LUZP2: variants seen among roughly 807,000 people sequenced by gnomAD.
The protein encoded by LUZP2 is leucine zipper protein 2.
LUZP2 carries 52 observed loss-of-function variants against 51.6 expected under a neutral mutation model. The observed-to-expected ratio is 1.01, with a 90% confidence interval of 0.81 to 1.27. The LOEUF (loss-of-function observed/expected upper bound fraction) is 1.27. Ranked by LOEUF, LUZP2 falls within the 50% of genes most tolerant of loss-of-function variation. The pLI is 0.00. For synonymous variants in LUZP2, 154 were observed against 137.3 expected, an observed-to-expected ratio of 1.12 and a Z score of -0.85; for missense variants, 436 against 395.4, an observed-to-expected ratio of 1.10 and a Z score of -0.87.
At chr11:24,617,687 G>T (rs1270852582) in intron 1 of LUZP2, among the ~76,000 whole-genome samples, 1 of 151,982 alleles carries the variant, frequency 6.6e-6, no homozygotes, top group Non-Finnish European at 1.5e-5. Flanking sequence ...TGGGCATAGT[G>T]GAGGGCACCT....
chr11:24,559,878 A>C (rs1851979574), intron 1 of LUZP2, among the ~76,000 whole-genome samples: 1 of 152,162 alleles, frequency 6.6e-6, no homozygotes. Context: ...AATGAAACAC[A>C]GTAGTTGTCT....
At chr11:24,953,502 A>G (rs1855134360) in intron 7 of LUZP2, among the ~76,000 whole-genome samples, 1 of 152,036 alleles carries the variant, frequency 6.6e-6, no homozygotes, top group Admixed American at 6.6e-5. Flanking sequence ...AAATGCAGCC[A>G]TTGTCTGCCA....
intron 5 of LUZP2, among the ~76,000 whole-genome samples, chr11:24,826,797 A>G (rs5011480): frequency 0.74 from 112,879 of 151,728 alleles, 42,874 homozygotes; most frequent in Middle Eastern, 0.86. Flanking sequence ...TTTTCTGAAA[A>G]GTTTACCTTG....
In LUZP2 at chr11:24,540,202, T is replaced by C. The variant is rs556708759; in HGVS notation, c.62+42897T>C. On this transcript the variant is annotated intron_variant, in intron 1 of 11. Transcript: ENST00000336930. ...CAAAACTAATTAAACCATGTCTCTC[T>C]TTACAATTACGACTCTTCAAATACG... 1.8e-4 allele frequency among the ~76,000 whole-genome samples: 28 copies of C among 152,256 alleles called. No individual in the cohort carries two copies. The South Asian group carries it at 5.8e-3, about 32-fold the overall frequency.
At chr11:24,785,182 C>T (rs1430642725) in intron 5 of LUZP2, among the ~76,000 whole-genome samples, 1 of 152,032 alleles carries the variant, frequency 6.6e-6, no homozygotes, top group Non-Finnish European at 1.5e-5. Context: ...CTGTTCCCAT[C>T]ACATTTAGTA....
chr11:24,988,336 G>A (rs924380888), intron 9 of LUZP2, among the ~76,000 whole-genome samples: 2 of 151,978 alleles, frequency 1.3e-5, no homozygotes, highest in Non-Finnish European at 2.9e-5. Flanking sequence ...AACATGAATA[G>A]CATTAGAAGG....
intron 9 of LUZP2, among the ~76,000 whole-genome samples, chr11:25,032,523 C>T (rs1590858434): frequency 1.3e-5 from 2 of 152,132 alleles, no homozygotes; most frequent in Admixed American, 6.6e-5. Flanking sequence ...GATACTCCCT[C>T]ACCCAGAAAT....
At chr11:24,597,001 G>T (rs1853464936) in intron 1 of LUZP2, among the ~76,000 whole-genome samples, 1 of 152,176 alleles carries the variant, frequency 6.6e-6, no homozygotes, top group Non-Finnish European at 1.5e-5. Context: ...AAGGAGAAAT[G>T]AGACTATGGT....
intron 10 of LUZP2, among the ~76,000 whole-genome samples, chr11:25,063,865 A>G (rs7936465): frequency 0.9 from 136,593 of 151,684 alleles, 62,537 homozygotes; most frequent in Non-Finnish European, 0.97. Flanking sequence ...ATACAATTCC[A>G]TTTCCCTATT....
intron 9 of LUZP2, among the ~76,000 whole-genome samples, chr11:24,997,492 T>G (rs1377371038): frequency 6.6e-6 from 1 of 152,236 alleles, no homozygotes; most frequent in East Asian, 1.9e-4. Flanking sequence ...TAAATTTGTT[T>G]GAGTTCATTG....
chr11:24,804,114 C>T (rs1256569975), intron 5 of LUZP2, among the ~76,000 whole-genome samples: 1 of 151,812 alleles, frequency 6.6e-6, no homozygotes, highest in Non-Finnish European at 1.5e-5. Flanking sequence ...TAAGTGTCTA[C>T]AATTTATTTC....
At chr11:24,837,223 A>G (rs1048949538) in intron 5 of LUZP2, among the ~76,000 whole-genome samples, 4 of 151,818 alleles carry the variant, frequency 2.6e-5, no homozygotes, top group Non-Finnish European at 3.0e-5. Context: ...ATAAACATAT[A>G]AAATTCCAAT....
chr11:24,683,756 C>G (rs1856816500), intron 1 of LUZP2, among the ~76,000 whole-genome samples: 1 of 152,160 alleles, frequency 6.6e-6, no homozygotes, highest in Non-Finnish European at 1.5e-5. Context: ...AGCAGGAGTG[C>G]CTCTTGCACT....
chr11:24,874,628 A>G (rs1321350863), intron 5 of LUZP2, among the ~76,000 whole-genome samples: 1 of 152,176 alleles, frequency 6.6e-6, no homozygotes, highest in Non-Finnish European at 1.5e-5. Context: ...CATCTGTGAT[A>G]CAAGTACTTT....
chr11:24,977,398 A>G (rs935881781), intron 8 of LUZP2, among the ~76,000 whole-genome samples: 2 of 151,738 alleles, frequency 1.3e-5, no homozygotes, highest in African/African-American at 2.4e-5. Context: ...GTAAAAAGAT[A>G]ATGTGTATGT....
At chr11:24,960,536 A>T (rs1025824131) in intron 7 of LUZP2, among the ~76,000 whole-genome samples, 19 of 152,084 alleles carry the variant, frequency 1.2e-4, no homozygotes, top group Non-Finnish European at 1.9e-4. Flanking sequence ...ATTTGCGTAG[A>T]GGTGTTTGTA....
intron 1 of LUZP2, among the ~76,000 whole-genome samples, chr11:24,552,048 A>AG (rs1851739453): frequency 6.6e-6 from 1 of 151,998 alleles, no homozygotes. Flanking sequence ...TCCAGAGAAC[A>AG]GAAAAAACCC....
At chr11:24,507,512 T>C (rs1805437334) in intron 1 of LUZP2, among the ~76,000 whole-genome samples, 1 of 152,110 alleles carries the variant, frequency 6.6e-6, no homozygotes, top group South Asian at 2.1e-4. Context: ...GAGAAAATGC[T>C]CAAATAAATT....
At chr11:24,963,800 C>G (rs927177570) in intron 7 of LUZP2, among the ~76,000 whole-genome samples, 1 of 152,164 alleles carries the variant, frequency 6.6e-6, no homozygotes, top group Non-Finnish European at 1.5e-5. Flanking sequence ...CTGGCACTCC[C>G]TAGTGAGATG....
Sources: gnomAD v4.1 joint callset for allele counts (sites outside exome capture counted in the v4.1 genomes callset) on GRCh38, gnomAD v4.1.1 for gene constraint, MANE v1.5 for transcripts, NCBI Gene and HGNC (gene_info 2026-07-23, HGNC 2026-07-21) for gene names.